WWOX: variants seen among roughly 807,000 people sequenced by gnomAD.
The protein encoded by WWOX is WW domain-containing oxidoreductase.
A neutral mutation model predicts 46.2 loss-of-function variants in WWOX; 69 were observed. That is an observed-to-expected ratio of 1.49 (90% CI 1.23 to 1.82). The LOEUF (loss-of-function observed/expected upper bound fraction) is 1.82. Among genes scored for constraint, WWOX ranks in the 40% most tolerant of loss-of-function variants. The pLI is 0.00. For missense variants in WWOX, 919 were observed against 542.6 expected, an observed-to-expected ratio of 1.69 and a Z score of -6.89; for synonymous variants, 359 against 202.6, an observed-to-expected ratio of 1.77 and a Z score of -6.56.
At chr16:78,821,868 T>G (rs926810215) in intron 8 of WWOX, among the ~76,000 whole-genome samples, 1 of 152,176 alleles carries the variant, frequency 6.6e-6, no homozygotes, top group African/African-American at 2.4e-5. Flanking sequence ...AATTCCCATC[T>G]TCAAATATTA....
intron 8 of WWOX, among the ~76,000 whole-genome samples, chr16:79,083,266 G>C (rs1412760427): frequency 6.6e-6 from 1 of 152,110 alleles, no homozygotes; most frequent in Non-Finnish European, 1.5e-5. Context: ...CTAATGAAAT[G>C]TGAGTGACAC....
At chr16:78,448,259 T>C (rs1253354224) in intron 8 of WWOX, among the ~76,000 whole-genome samples, 1 of 151,930 alleles carries the variant, frequency 6.6e-6, no homozygotes, top group Non-Finnish European at 1.5e-5. Flanking sequence ...AACGGGGGAG[T>C]AAAATTCCTC....
At chr16:78,934,784 C>A (rs1342505697) in intron 8 of WWOX, among the ~76,000 whole-genome samples, 3 of 152,050 alleles carry the variant, frequency 2.0e-5, no homozygotes, top group Admixed American at 2.0e-4. Flanking sequence ...TAAATGCAGG[C>A]CTATAGAGAG....
intron 8 of WWOX, among the ~76,000 whole-genome samples, chr16:78,843,378 C>A (rs576079706): frequency 1.3e-5 from 2 of 150,236 alleles, no homozygotes; most frequent in Non-Finnish European, 3.0e-5. Context: ...TATTGTGGTG[C>A]CTGTTTTGTT....
At chr16:78,883,901 T>C (rs1449930573) in intron 8 of WWOX, among the ~76,000 whole-genome samples, 2 of 152,114 alleles carry the variant, frequency 1.3e-5, no homozygotes, top group African/African-American at 4.8e-5. Context: ...AAAACCTCTT[T>C]ATGATAGTAA....
At chr16:78,677,388 C>T (rs2047626761) in intron 8 of WWOX, among the ~76,000 whole-genome samples, 1 of 152,172 alleles carries the variant, frequency 6.6e-6, no homozygotes, top group Non-Finnish European at 1.5e-5. Context: ...TTTTGGCCTG[C>T]ATCCTGTTTT....
intron 8 of WWOX, among the ~76,000 whole-genome samples, chr16:79,042,077 A>G (rs1293558025): frequency 1.3e-5 from 2 of 151,978 alleles, no homozygotes; most frequent in African/African-American, 2.4e-5. Context: ...TCTAGCTACC[A>G]TGTTCCAGGT....
chr16:78,830,155 CA>C (rs1390440178), intron 8 of WWOX, among the ~76,000 whole-genome samples: 1 of 152,018 alleles, frequency 6.6e-6, no homozygotes, highest in Non-Finnish European at 1.5e-5. Flanking sequence ...ACAGCAGCAG[CA>C]AGAGCTGCCG....
At chr16:78,954,293 A>T (rs192500282) in intron 8 of WWOX, among the ~76,000 whole-genome samples, 3 of 151,842 alleles carry the variant, frequency 2.0e-5, no homozygotes, top group Non-Finnish European at 4.4e-5. Flanking sequence ...GGATGAATGG[A>T]TGCATGGCTG....
chr16:78,976,379 C>T (rs189116798), intron 8 of WWOX, among the ~76,000 whole-genome samples: 1 of 152,206 alleles, frequency 6.6e-6, no homozygotes, highest in Non-Finnish European at 1.5e-5. Flanking sequence ...TCCCAGCACT[C>T]AGGGCTGTGT....
At chr16:79,136,236 T>G (rs530260601) in intron 8 of WWOX, among the ~76,000 whole-genome samples, 1 of 137,320 alleles carries the variant, frequency 7.3e-6, no homozygotes, top group South Asian at 2.2e-4. Flanking sequence ...CACTTCTTCT[T>G]TTTTTTTTTT....
At chr16:78,671,970 G>T (rs1276261176) in intron 8 of WWOX, among the ~76,000 whole-genome samples, 1 of 152,068 alleles carries the variant, frequency 6.6e-6, no homozygotes, top group Non-Finnish European at 1.5e-5. Flanking sequence ...GAAAAAATAT[G>T]ATCCTTGGCA....
chr16:78,585,680 T>TTTTG (rs1198229829), intron 8 of WWOX, among the ~76,000 whole-genome samples: 2 of 149,580 alleles, frequency 1.3e-5, no homozygotes, highest in African/African-American at 5.0e-5. Context: ...TTTGGGTTTT[T>TTTTG]TTTTTTGTTT....
At chr16:78,686,400 A>G (rs1462592370) in intron 8 of WWOX, among the ~76,000 whole-genome samples, 1 of 151,940 alleles carries the variant, frequency 6.6e-6, no homozygotes, top group African/African-American at 2.4e-5. Context: ...AGTCCCAGCT[A>G]GTCGGGAGGC....
chr16:78,658,975 C>A (rs1382173387), intron 8 of WWOX, among the ~76,000 whole-genome samples: 1 of 125,552 alleles, frequency 8.0e-6, no homozygotes, highest in Non-Finnish European at 1.8e-5. Flanking sequence ...GCCTGTAGTC[C>A]TAGCTACTTG....
chr16:79,025,967 G>A (rs1386911216), intron 8 of WWOX, among the ~76,000 whole-genome samples: 2 of 151,292 alleles, frequency 1.3e-5, no homozygotes, highest in Non-Finnish European at 2.9e-5. Flanking sequence ...CCGAGCTAAT[G>A]TTTTTGGATT....
chr16:78,825,978 C>A, intron 8 of WWOX: 3 of 768,480 alleles, frequency 3.9e-6, no homozygotes, highest in Non-Finnish European at 6.2e-6. Flanking sequence ...GAGCCGCCTG[C>A]TATGCCCCAG....
intron 8 of WWOX, among the ~76,000 whole-genome samples, chr16:78,960,859 TATAC>T (rs1490864197): frequency 1.3e-5 from 2 of 152,228 alleles, no homozygotes; most frequent in African/African-American, 4.8e-5. Context: ...TTATTTACTG[TATAC>T]ATACATAGCT....
chr16:78,802,511 A>G (rs1197061493), intron 8 of WWOX, among the ~76,000 whole-genome samples: 1 of 152,182 alleles, frequency 6.6e-6, no homozygotes, highest in East Asian at 1.9e-4. Flanking sequence ...TAAATTATTA[A>G]TAGTTGAGGA....
Sources: allele counts gnomAD v4.1 joint callset (sites outside exome capture counted in the v4.1 genomes callset), GRCh38; gene constraint gnomAD v4.1.1; transcripts MANE v1.5; gene names NCBI Gene and HGNC (gene_info 2026-07-23, HGNC 2026-07-21).